Variants in KIF1A observed in about 807,000 individuals in gnomAD.
KIF1A encodes kinesin family member 1A.
Under a neutral mutation model 227.3 loss-of-function variants are expected in KIF1A, and 46 were observed. The ratio of observed to expected loss-of-function variants is 0.20; its 90% CI spans 0.16 to 0.26. The LOEUF is 0.26. Ranked by LOEUF, KIF1A falls within the 10% of genes least tolerant of loss-of-function variation. KIF1A has a pLI of 1.00. For synonymous variants in KIF1A, 1,022 were observed against 1,012.8 expected (o/e 1.01, Z -0.17); for missense variants, 1,683 against 2,485.9 (o/e 0.68, Z 6.87).
At position 240,757,369 on chromosome 2, in the gene KIF1A, G is replaced by C; in HGVS notation, c.2808C>G (p.Asp936Glu). 3 of 1,550,694 alleles carry C rather than the reference G, an allele frequency of 1.9e-6. No homozygotes were observed. The highest frequency in any genetic ancestry group is 2.6e-6 in the Non-Finnish European group (3 of 1,147,042). Reference protein sequence around the residue: ...DDVFPEHALCDGRDPFYDRPP... With the variant: ...DDVFPEHALCEGRDPFYDRPP... ...GCCGGTCGTAAAACGGGTCCCGGCC[G>C]TCGCACAGCGCGTGCTCCGGAAAGA... Residue 936 changes from aspartate (D) to glutamate (E), a missense_variant, in exon 27 of 49, where the codon GAC (aspartate) becomes GAG (glutamate). Around this residue, in one of 12 missense-constraint regions of KIF1A, gnomAD observed 759 missense variants for 1,020.2 expected, o/e 0.74. Coordinates refer to ENST00000498729, the MANE Select transcript of KIF1A (RefSeq NM_001244008.2). This position sits in a 1 kb window ranked among gnomAD's most constrained non-coding sequence, Gnocchi z 6.2.
chr2:240,733,513 A>G (rs1406958279), intron 38 of KIF1A, among the ~76,000 whole-genome samples: 1 of 152,154 alleles, frequency 6.6e-6, no homozygotes, highest in Non-Finnish European at 1.5e-5. Flanking sequence ...TTCAGAAAAG[A>G]TCTGTTCATG....
intron 31 of KIF1A, 101 bp downstream of exon 31, chr2:240,745,637 C>T: frequency 2.0e-6 from 3 of 1,508,568 alleles, no homozygotes; most frequent in East Asian, 4.8e-5. Context: ...TGGGCCAACA[C>T]AGCACCAACA....
intron 48 of KIF1A, among the ~76,000 whole-genome samples, chr2:240,717,620 C>G (rs1210266549): frequency 6.6e-6 from 1 of 152,226 alleles, no homozygotes; most frequent in Non-Finnish European, 1.5e-5. Flanking sequence ...TTTCACATCC[C>G]TGCTGTGGGA....
chr2:240,756,442 C>G (rs74447850), intron 27 of KIF1A, among the ~76,000 whole-genome samples: 3,065 of 152,334 alleles, frequency 0.02, 54 homozygotes, highest in Non-Finnish European at 0.033. Flanking sequence ...AATCTGCCAG[C>G]AGGGTGGGAC....
chr2:240,812,512 C>G (rs556751329), intron 1 of KIF1A, among the ~76,000 whole-genome samples: 1 of 151,634 alleles, frequency 6.6e-6, no homozygotes, highest in East Asian at 1.9e-4. Context: ...CCTTGGGGAT[C>G]CACCTTCACC....
At chr2:240,747,567 G>C (rs1035163073) in intron 28 of KIF1A, among the ~76,000 whole-genome samples, 4 of 152,212 alleles carry the variant, frequency 2.6e-5, no homozygotes, top group African/African-American at 9.7e-5. Context: ...CTTGATAGGA[G>C]TCACAAAGTC....
At chr2:240,781,669 C>G in intron 10 of KIF1A, 1 of 752,034 alleles carries the variant, frequency 1.3e-6, no homozygotes, top group Non-Finnish European at 1.6e-6. Context: ...ATTCCCCACG[C>G]AGGTCCTCCG....
At position 240,769,428 on chromosome 2, in the gene KIF1A, C is replaced by A. The variant is rs537420946; in HGVS notation, c.1421+199G>T. On this transcript the variant is annotated intron_variant, in intron 16 of 48. Transcript: ENST00000498729. Reference sequence around the variant, plus strand: ...TCTATCAGGCCTCAGGTCTCTCAGGCCTTGGTGGCTAGCAGCCAGCAGTAC... The same window carrying A: ...TCTATCAGGCCTCAGGTCTCTCAGGACTTGGTGGCTAGCAGCCAGCAGTAC... Among the ~76,000 whole-genome samples, 203 of 152,350 alleles carry A rather than the reference C, an allele frequency of 1.3e-3. 2 individuals are homozygous for A. Among genetic ancestry groups the A allele is most frequent in the African/African-American group, 3.7e-3 (152 of 41,588 alleles).
In KIF1A at chr2:240,762,929, G is replaced by A. The variant is rs1357248386; in HGVS notation, c.2022+90C>T. 4.3e-6 allele frequency: 6 copies of A among 1,385,366 alleles called. No individual in the cohort carries two copies. The East Asian group carries it at 1.3e-4, about 29-fold the overall frequency. 85.8% of individuals were successfully genotyped at this position (1,385,366 alleles called of 1,614,324 possible). Reference sequence around the variant, plus strand: ...TGTTTAGATGCAAGAGATGGGGCCAGGCAAGCAGGGAGGAGTGGGGGCGTG... The same window carrying A: ...TGTTTAGATGCAAGAGATGGGGCCAAGCAAGCAGGGAGGAGTGGGGGCGTG... On this transcript the variant is annotated intron_variant, in intron 22 of 48. Transcript: ENST00000498729.
rs1395578693 is a variant in KIF1A, at chr2:240,786,532, C to A, written c.430-19G>T. 1.2e-6 allele frequency: 2 copies of A among 1,610,032 alleles called. No homozygotes were observed. The highest frequency in any genetic ancestry group is 3.4e-5 in the Admixed American group (2 of 59,642). On this transcript the variant is annotated intron_variant, in intron 5 of 48. Coordinates refer to ENST00000498729, the MANE Select transcript of KIF1A (RefSeq NM_001244008.2). ...AGCTGACCTGCAGGGCAGAGCCAGG[C>A]CATCAGGGGCCCCTGAGGCGAGGGA...
chr2:240,761,149 G>C, intron 24 of KIF1A, 80 bp downstream of exon 24: 2 of 1,487,078 alleles, frequency 1.3e-6, no homozygotes, highest in Non-Finnish European at 1.8e-6. Flanking sequence ...CAAGTGCTGA[G>C]TCCCAAGTAG....
At chr2:240,744,183 G>A (rs924737973) in intron 32 of KIF1A, 123 bp from the exon 33 acceptor site, 19 of 698,180 alleles carry the variant, frequency 2.7e-5, no homozygotes, top group African/African-American at 1.2e-4. Context: ...CTGGGCCCAC[G>A]TCTGCCCAGG....
intron 29 of KIF1A, 73 bp from the exon 30 acceptor site, chr2:240,746,250 G>T: frequency 1.3e-6 from 2 of 1,515,510 alleles, no homozygotes; most frequent in Non-Finnish European, 1.8e-6. Context: ...CCCTGCCACA[G>T]GCCCACGGGA....
intron 14 of KIF1A, 97 bp from the exon 15 acceptor site, chr2:240,771,201 C>A (rs561218792): frequency 6.2e-6 from 9 of 1,454,632 alleles, no homozygotes; most frequent in African/African-American, 1.4e-5. Flanking sequence ...AGGGGTAGGG[C>A]GGGCAGACAG....
chr2:240,725,160 G>A lies in KIF1A; in HGVS notation c.4256+111C>T, dbSNP rs1017622352. 1.4e-5 allele frequency: 17 copies of A among 1,192,280 alleles called. No individual in the cohort carries two copies. The highest frequency in any genetic ancestry group is 1.0e-4 in the East Asian group (4 of 38,980). 73.9% of individuals were successfully genotyped at this position (1,192,280 alleles called of 1,614,324 possible). On this transcript the variant is annotated intron_variant, in intron 40 of 48. Coordinates refer to ENST00000498729, the MANE Select transcript of KIF1A (RefSeq NM_001244008.2). The surrounding 1 kb of genome is among the most constrained non-coding windows in gnomAD (Gnocchi z 5.8). ...CCAGCCAGGAGTGTGGCTGGGCCTC[G>A]CACAGGGTGAGCTGCCGGGTGGCCC...
intron 10 of KIF1A, chr2:240,781,786 C>G (rs564915592): frequency 1.0e-6 from 1 of 984,788 alleles, no homozygotes; most frequent in African/African-American, 1.8e-5. Context: ...AGCTTCCTCG[C>G]CTGGCTCCCA....
At chr2:240,804,800 T>G (rs2057243234) in intron 1 of KIF1A, among the ~76,000 whole-genome samples, 1 of 152,010 alleles carries the variant, frequency 6.6e-6, no homozygotes, top group African/African-American at 2.4e-5. Flanking sequence ...ATTCAAGAAG[T>G]TAGCTCAGAG....
Position 240,743,997 on chromosome 2 carries a change from C to T in KIF1A, c.3529G>A (p.Val1177Ile). 1 of 1,613,778 alleles carries T rather than the reference C, an allele frequency of 6.2e-7. No homozygotes were observed. The highest frequency in any genetic ancestry group is 2.2e-5 in the East Asian group (1 of 44,866). ...GGGTGCTGCTGGTAGTGGCCAAAGA[C>T]CTCGAAAACAATGGGCTGGCTCTTG... ...YIKSQPIVFEVFGHYQQHPFP... is the reference protein window; with the variant it reads ...YIKSQPIVFEIFGHYQQHPFP... Residue 1177 changes from valine to isoleucine, a missense_variant, in exon 33 of 49, where the codon GTC becomes ATC. Physicochemically the swap from Val to Ile is conservative, Grantham distance 29. Around this residue, in one of 12 missense-constraint regions of KIF1A, gnomAD observed 759 missense variants for 1,020.2 expected, o/e 0.74. Transcript: ENST00000498729.
chr2:240,779,502 AGTTCCACACT>A (rs1184105556), intron 10 of KIF1A, among the ~76,000 whole-genome samples: 34 of 144,914 alleles, frequency 2.3e-4, no homozygotes, highest in African/African-American at 8.2e-4. Context: ...TTCCACACTC[AGTTCCACACT>A]CAGTTCCTCA....
Sources: gnomAD v4.1 joint callset for allele counts (sites outside exome capture counted in the v4.1 genomes callset) on GRCh38, gnomAD v4.1.1 for gene constraint, gnomAD v4.1.1 regional missense constraint, Gnocchi (gnomAD v3.1) non-coding constraint, MANE v1.5 for transcripts, NCBI Gene and HGNC (gene_info 2026-07-23, HGNC 2026-07-21) for gene names.